Variants in PVT1 observed in about 807,000 individuals in gnomAD.
The protein encoded by PVT1 is CXCR4/PVT1 fusion.
chr8:127,988,631 A>T (rs1816996326), intron 3 of PVT1, among the ~76,000 whole-genome samples: 1 of 152,212 alleles, frequency 6.6e-6, no homozygotes, highest in South Asian at 2.1e-4. Context: ...CACTGAACAC[A>T]TGTTACTAGA....
intron 3 of PVT1, among the ~76,000 whole-genome samples, chr8:127,899,133 A>G (rs1815727592): frequency 6.6e-6 from 1 of 152,232 alleles, no homozygotes; most frequent in Admixed American, 6.5e-5. Context: ...CAGGGAAAAT[A>G]AGGATACCCA....
intron 3 of PVT1, among the ~76,000 whole-genome samples, chr8:127,952,681 G>A (rs993168134): frequency 6.6e-6 from 1 of 152,040 alleles, no homozygotes; most frequent in Non-Finnish European, 1.5e-5. Flanking sequence ...CTCATTTTCC[G>A]ATGAGGCAAC....
intron 6 of PVT1, among the ~76,000 whole-genome samples, chr8:128,100,563 C>G (rs1814491559): frequency 6.6e-6 from 1 of 152,196 alleles, no homozygotes; most frequent in South Asian, 2.1e-4. Flanking sequence ...GATGTTCTGA[C>G]AAAGGCCTTG....
intron 2 of PVT1, chr8:127,851,904 T>C (rs1412576832): frequency 1.3e-5 from 2 of 152,380 alleles, no homozygotes; most frequent in African/African-American, 4.8e-5. Context: ...TGCCACGCCA[T>C]GCTCACAGTC....
chr8:128,065,147 G>A (rs550566654), intron 4 of PVT1, among the ~76,000 whole-genome samples: 54 of 152,292 alleles, frequency 3.5e-4, no homozygotes, highest in African/African-American at 1.2e-3. Flanking sequence ...ATGTGCATGC[G>A]TGTGCAAGGG....
chr8:127,849,894 CATAT>C (rs371691252), intron 2 of PVT1, among the ~76,000 whole-genome samples: 105 of 114,012 alleles, frequency 9.2e-4, no homozygotes, highest in East Asian at 1.4e-3. Flanking sequence ...ACAGCCTGTA[CATAT>C]GTGTGTGTGT....
intron 3 of PVT1, among the ~76,000 whole-genome samples, chr8:127,896,400 C>T (rs954192998): frequency 2.0e-5 from 3 of 151,928 alleles, no homozygotes; most frequent in Non-Finnish European, 4.4e-5. Context: ...CAGGCCTGGG[C>T]TCCAGGGGCA....
intron 3 of PVT1, among the ~76,000 whole-genome samples, chr8:127,956,558 C>A (rs998265681): frequency 3.3e-5 from 5 of 152,244 alleles, no homozygotes; most frequent in African/African-American, 1.2e-4. Context: ...GATCTCGGCT[C>A]ACTGTAACCT....
rs147397158 is a variant in PVT1, at chr8:128,038,225, T to G, written n.913-31935T>G. Among the ~76,000 whole-genome samples the G allele has an allele frequency of 3.3e-4, 50 of 152,286 alleles. 1 individual carries two copies. The highest frequency in any genetic ancestry group is 9.2e-4 in the Admixed American group (14 of 15,298). ...CTGGTATAAACTTTTATTTTGCTGT[T>G]TGGAATTAAGAATTTGGATCAAATG... On this transcript the variant is annotated intron_variant and non_coding_transcript_variant, in intron 4 of 10. Coordinates refer to ENST00000651587, the Ensembl canonical transcript of PVT1.
At chr8:128,040,088 G>A (rs150184041) in intron 4 of PVT1, among the ~76,000 whole-genome samples, 9 of 152,360 alleles carry the variant, frequency 5.9e-5, no homozygotes, top group African/African-American at 2.2e-4. Flanking sequence ...AGTGGAGACA[G>A]TAAGGAGGCA....
chr8:127,841,804 C>T (rs908436867), intron 2 of PVT1, among the ~76,000 whole-genome samples: 1 of 152,062 alleles, frequency 6.6e-6, no homozygotes, highest in Non-Finnish European at 1.5e-5. Flanking sequence ...TGGCTCACTG[C>T]AACCTCTGCC....
chr8:128,049,211 C>T (rs753740324), intron 4 of PVT1: 1 of 531,474 alleles, frequency 1.9e-6, no homozygotes, highest in Non-Finnish European at 3.9e-6. Context: ...CATCAGCTGG[C>T]CCTCATTTCT....
chr8:128,025,248 C>A (rs1205284678), intron 4 of PVT1, among the ~76,000 whole-genome samples: 1 of 152,180 alleles, frequency 6.6e-6, no homozygotes, highest in Non-Finnish European at 1.5e-5. Context: ...TCCGTCATTG[C>A]ACCCTGGGTG....
intron 3 of PVT1, among the ~76,000 whole-genome samples, chr8:127,961,839 C>T (rs1487362956): frequency 6.6e-6 from 1 of 152,240 alleles, no homozygotes; most frequent in East Asian, 1.9e-4. Context: ...GAGGCCCCCC[C>T]TGCCCGAGTC....
intron 3 of PVT1, among the ~76,000 whole-genome samples, chr8:127,963,570 C>T (rs1170938976): frequency 2.0e-5 from 3 of 152,138 alleles, no homozygotes; most frequent in Admixed American, 6.5e-5. Flanking sequence ...CAGCACCCCC[C>T]ACCCCCCTCC....
At chr8:127,973,980 G>GAAA (rs34219434) in intron 3 of PVT1, among the ~76,000 whole-genome samples, 1 of 140,080 alleles carries the variant, frequency 7.1e-6, no homozygotes, top group Non-Finnish European at 1.6e-5. Context: ...CTCCGTCTCA[G>GAAA]AAAAAAAAAA....
intron 2 of PVT1, among the ~76,000 whole-genome samples, chr8:127,856,569 G>A (rs182570608): frequency 2.0e-5 from 3 of 152,006 alleles, no homozygotes; most frequent in South Asian, 2.1e-4. Flanking sequence ...TCGAACTCCC[G>A]ACCTCAGGTG....
exon 5 of PVT1, chr8:128,070,284 C>G (rs958248871): frequency 1.3e-5 from 2 of 152,350 alleles, no homozygotes. Flanking sequence ...TAACCACAGC[C>G]TAGTTCTGTG....
chr8:128,078,389 A>G (rs546385347), intron 5 of PVT1, among the ~76,000 whole-genome samples: 76 of 152,340 alleles, frequency 5.0e-4, no homozygotes, highest in Non-Finnish European at 9.3e-4. Context: ...CTCAATAAGT[A>G]TATTTTGAAT....
Sources: gnomAD v4.1 joint callset for allele counts (sites outside exome capture counted in the v4.1 genomes callset) on GRCh38, gnomAD v4.1.1 for gene constraint, MANE v1.5 for transcripts, NCBI Gene and HGNC (gene_info 2026-07-23, HGNC 2026-07-21) for gene names.